The following ZNF791 variants were observed in gnomAD, a reference collection of about 807,000 sequenced individuals.
The protein encoded by ZNF791 is zinc finger protein 791.
ZNF791 carries 4 observed loss-of-function variants against 11.5 expected under a neutral mutation model. That is an observed-to-expected ratio of 0.35 (90% CI 0.17 to 0.80). The LOEUF is 0.80. ZNF791 is among the 30% of genes least tolerant of loss of function. The probability of loss-of-function intolerance (pLI) is 0.53; values close to 1 mark genes in which losing one functional copy is unlikely to be tolerated. For synonymous variants in ZNF791, 212 were observed against 228.1 expected (o/e 0.93, Z 0.64); for missense variants, 559 against 699.4 (o/e 0.80, Z 2.26).
intron 3 of ZNF791, among the ~76,000 whole-genome samples, chr19:12,625,921 T>C (rs1261023005): frequency 6.6e-6 from 1 of 151,754 alleles, no homozygotes; most frequent in Admixed American, 6.6e-5. Context: ...CTTGGCTCAC[T>C]GCAACCTCTA....
chr19:12,619,957 T>C (rs2023312625), intron 1 of ZNF791, among the ~76,000 whole-genome samples: 1 of 152,010 alleles, frequency 6.6e-6, no homozygotes, highest in Non-Finnish European at 1.5e-5. Flanking sequence ...GGAGTCTCGC[T>C]CTGTCGCCCA....
intron 1 of ZNF791, among the ~76,000 whole-genome samples, chr19:12,617,338 C>A (rs779338308): frequency 1.3e-5 from 2 of 151,930 alleles, no homozygotes; most frequent in Non-Finnish European, 2.9e-5. Flanking sequence ...GTTGGCCAGG[C>A]TGGTCTCGAA....
At chr19:12,619,791 T>C (rs558550019) in intron 1 of ZNF791, among the ~76,000 whole-genome samples, 1 of 151,950 alleles carries the variant, frequency 6.6e-6, no homozygotes, top group South Asian at 2.1e-4. Context: ...TCCTACTCAG[T>C]TTGAAGTGGG....
At chr19:12,621,842 C>A (rs1411621591) in intron 1 of ZNF791, among the ~76,000 whole-genome samples, 1 of 137,768 alleles carries the variant, frequency 7.3e-6, no homozygotes, top group Non-Finnish European at 1.6e-5. Context: ...GCCACCACCC[C>A]GTCTGGGAGG....
chr19:12,622,408 AAAC>A (rs1252054579), intron 1 of ZNF791, among the ~76,000 whole-genome samples: 3,655 of 103,222 alleles, frequency 0.035, 225 homozygotes, highest in African/African-American at 0.13. Flanking sequence ...AGACTGTCTC[AAAC>A]AAAAAAAAAA....
In ZNF791 at chr19:12,628,698, G is replaced by A. The variant is rs1265978997; in HGVS notation, c.1169G>A (p.Gly390Glu). 6.2e-7 allele frequency: 1 copy of A among 1,600,354 alleles called. No individual in the cohort carries two copies. The highest frequency in any genetic ancestry group is 2.2e-5 in the East Asian group (1 of 44,756). ...GEKPYECKKC[G>E]KTFNYPLDLK... ...AAACCCTACGAATGTAAAAAATGTG[G>A]GAAAACTTTCAATTATCCTCTAGAT... Residue 390 changes from glycine to glutamate, a missense_variant, in exon 4 of 4, where the codon GGG (glycine) becomes GAG (glutamate). By Grantham distance (98) the Gly-to-Glu change is moderately conservative (BLOSUM62 -2). Transcript: ENST00000343325.
intron 1 of ZNF791, chr19:12,623,428 T>A (rs924851767): frequency 5.1e-6 from 2 of 393,638 alleles, no homozygotes; most frequent in Non-Finnish European, 4.5e-6. Flanking sequence ...GAAAAAAAAA[T>A]TGATCCTAAA....
intron 1 of ZNF791, among the ~76,000 whole-genome samples, chr19:12,615,687 G>T (rs1425068831): frequency 3.0e-5 from 4 of 133,908 alleles, no homozygotes; most frequent in African/African-American, 1.4e-4. Flanking sequence ...GCTGAGGCAG[G>T]AGAATTGCTT....
intron 3 of ZNF791, among the ~76,000 whole-genome samples, chr19:12,626,533 C>T (rs1397691101): frequency 2.0e-5 from 3 of 152,182 alleles, no homozygotes; most frequent in African/African-American, 7.2e-5. Context: ...ATCCACCCAC[C>T]TCGGCCTCCC....
chr19:12,626,042 G>A (rs1019298617), intron 3 of ZNF791, among the ~76,000 whole-genome samples: 19 of 151,946 alleles, frequency 1.3e-4, no homozygotes, highest in African/African-American at 4.6e-4. Flanking sequence ...TTTTGAGACG[G>A]AGTCTCGCTC....
intron 3 of ZNF791, among the ~76,000 whole-genome samples, chr19:12,627,156 G>A (rs1379084780): frequency 4.6e-5 from 7 of 151,048 alleles, no homozygotes; most frequent in East Asian, 2.0e-4. Flanking sequence ...ACTCCAGTGC[G>A]GGTGACAGAG....
At chr19:12,619,455 T>A (rs1343894415) in intron 1 of ZNF791, among the ~76,000 whole-genome samples, 2 of 143,932 alleles carry the variant, frequency 1.4e-5, no homozygotes, top group Non-Finnish European at 3.1e-5. Context: ...TTTTTTTTTT[T>A]TTTTTTTTTT....
At chr19:12,614,781 A>C (rs148630110) in intron 1 of ZNF791, among the ~76,000 whole-genome samples, 2,035 of 145,080 alleles carry the variant, frequency 0.014, 45 homozygotes, top group African/African-American at 0.05. Flanking sequence ...TTTAGTAGAG[A>C]TGGGGTTTCT....
chr19:12,623,964 T>G (rs2023391718), intron 2 of ZNF791, 138 bp downstream of exon 2: 1 of 766,542 alleles, frequency 1.3e-6, no homozygotes. Flanking sequence ...CAAGCAATTC[T>G]CCTACCTCAG....
In ZNF791 at chr19:12,623,766, T is replaced by C; in HGVS notation, c.70T>C (p.Ser24Pro). 1 of 1,612,372 alleles carries C rather than the reference T, an allele frequency of 6.2e-7. No homozygotes were observed. ...SQEEWALLAP[S>P]QKKLYRDVMQ... The stretch of plus-strand genomic sequence containing the variant: ...GGAGGAGTGGGCTCTGCTGGCTCCT[T>C]CACAGAAGAAACTCTACAGAGATGT... The change falls in exon 2 of 4, where the codon TCA (serine) becomes CCA (proline). Residue 24 changes from serine to proline, a missense_variant. Ser to Pro is a moderately conservative substitution (Grantham distance 74). Transcript: ENST00000343325.
chr19:12,625,439 A>G (rs987112601), intron 3 of ZNF791, among the ~76,000 whole-genome samples: 1 of 151,878 alleles, frequency 6.6e-6, no homozygotes, highest in Non-Finnish European at 1.5e-5. Flanking sequence ...TTATCAGAAA[A>G]TGTTTACCAA....
chr19:12,615,290 C>T (rs1188463894), intron 1 of ZNF791, among the ~76,000 whole-genome samples: 2 of 151,930 alleles, frequency 1.3e-5, no homozygotes, highest in Non-Finnish European at 2.9e-5. Context: ...CGCATGGCCT[C>T]CCACAATTTC....
At chr19:12,626,351 A>G (rs899605413) in intron 3 of ZNF791, among the ~76,000 whole-genome samples, 2 of 144,010 alleles carry the variant, frequency 1.4e-5, no homozygotes, top group South Asian at 2.2e-4. Context: ...GGGTTTCACT[A>G]TGTTGGCCTG....
chr19:12,622,416 A>C (rs2023367568), intron 1 of ZNF791, among the ~76,000 whole-genome samples: 2 of 144,952 alleles, frequency 1.4e-5, no homozygotes, highest in East Asian at 2.0e-4. Flanking sequence ...TCAAACAAAA[A>C]AAAAAAAAAA....
Sources: allele counts gnomAD v4.1 joint callset (sites outside exome capture counted in the v4.1 genomes callset), GRCh38; gene constraint gnomAD v4.1.1; transcripts MANE v1.5; gene names NCBI Gene and HGNC (gene_info 2026-07-23, HGNC 2026-07-21).